The following SYNE3 variants were observed in gnomAD, a reference collection of about 807,000 sequenced individuals.
The protein encoded by SYNE3 is spectrin repeat containing nuclear envelope family member 3.
Under a neutral mutation model 111.2 loss-of-function variants are expected in SYNE3, and 100 were observed. The observed-to-expected ratio is 0.90, with a 90% CI of 0.77 to 1.06. The LOEUF (loss-of-function observed/expected upper bound fraction) is 1.06. Among genes scored for constraint, SYNE3 ranks in the 50% least tolerant of loss-of-function variants. The pLI, the probability that SYNE3 is intolerant of heterozygous loss-of-function variation, is 0.00. For missense variants in SYNE3, 1,160 were observed against 1,240.3 expected, an observed-to-expected ratio of 0.94 and a Z score of 0.97; for synonymous variants, 547 against 533.9, an observed-to-expected ratio of 1.02 and a Z score of -0.34.
chr14:95,498,687 A>G lies in SYNE3; in HGVS notation c.-15+17909T>C, dbSNP rs114444691. 3.0e-3 allele frequency among the ~76,000 whole-genome samples: 463 copies of G among 152,320 alleles called. 2 individuals are homozygous for G. The highest frequency in any genetic ancestry group is 0.011 in the African/African-American group (449 of 41,582). On this transcript the variant is annotated intron_variant, in intron 1 of 17. Transcript: ENST00000682763. ...CTAGCTGTGTGACTCAGGCAAGTGT[A>G]TTCACCTGTCTGTTCCCCAGATTCC...
intron 2 of SYNE3, among the ~76,000 whole-genome samples, chr14:95,468,567 G>A (rs1224039446): frequency 1.3e-5 from 2 of 152,096 alleles, no homozygotes; most frequent in Non-Finnish European, 2.9e-5. Context: ...GTGAGTGACT[G>A]TAACTCACAA....
At chr14:95,464,428 G>A (rs1332617494) in intron 4 of SYNE3, among the ~76,000 whole-genome samples, 2 of 152,026 alleles carry the variant, frequency 1.3e-5, no homozygotes, top group Non-Finnish European at 2.9e-5. Context: ...GTGGCTGCCC[G>A]CCCCCACTAG....
chr14:95,417,993 G>T lies in SYNE3; in HGVS notation c.2761C>A (p.Arg921=), dbSNP rs746262942. The change falls in exon 18 of 18, where the codon CGG becomes AGG. Residue 921 remains arginine, a synonymous_variant. Transcript: ENST00000682763. The stretch of plus-strand genomic sequence containing the variant: ...GGGAGCGCCACACAGCACGCCCTCC[G>T]GAAGAGGGAGCCCAGTCCTCGCCAC... ...RRWRGLGSLF[R]RACCVALPLQ... The T allele has an allele frequency of 1.9e-6, 3 of 1,611,908 alleles. No individual in the cohort carries two copies. Among genetic ancestry groups the T allele is most frequent in the South Asian group, 1.1e-5 (1 of 90,980 alleles).
chr14:95,481,464 G>A (rs765212107), intron 1 of SYNE3, among the ~76,000 whole-genome samples: 18 of 152,286 alleles, frequency 1.2e-4, no homozygotes, highest in East Asian at 1.9e-4. Flanking sequence ...GAGACAAGGC[G>A]GGGAGGCAAT....
chr14:95,426,847 G>A (rs1885454031), intron 17 of SYNE3, among the ~76,000 whole-genome samples: 2 of 151,184 alleles, frequency 1.3e-5, no homozygotes, highest in African/African-American at 4.9e-5. Flanking sequence ...GGGAGGCTGA[G>A]GCGGGAGAAT....
rs1251705935 is a variant in SYNE3, at chr14:95,439,771, T to C, written c.2087A>G (p.Glu696Gly). The C allele has an allele frequency of 6.2e-7, 1 of 1,612,506 alleles. No individual in the cohort carries two copies. The highest frequency in any genetic ancestry group is 8.5e-7 in the Non-Finnish European group (1 of 1,179,148). ...QEAEFERLVA[E>G]FPEKEAQLSL... ...CAGCTGGGCCTCCTTCTCCGGGAAT[T>C]CTGCCACCAGCCTCTAAAGGACACA... Residue 696 changes from glutamate (E) to glycine (G), a missense_variant, in exon 13 of 18, where the codon GAA becomes GGA. Transcript: ENST00000682763.
chr14:95,455,470 C>A lies in SYNE3; in HGVS notation c.1044G>T (p.Arg348Ser). The part of the protein sequence containing the change: ...KQLEAELSEF[R>S]MVLQRLAQEG... Reference sequence around the variant, plus strand: ...CCTGGGCCAGCCTCTGCAGGACCATCCTGAACTCACTGAGCTCAGCCTCCA... The same window carrying A: ...CCTGGGCCAGCCTCTGCAGGACCATACTGAACTCACTGAGCTCAGCCTCCA... Residue 348 changes from arginine to serine, a missense_variant, in exon 6 of 18, where the codon AGG becomes AGT. Physicochemically the swap from Arg to Ser is moderately radical, Grantham distance 110. Transcript: ENST00000682763. 6.2e-7 allele frequency: 1 copy of A among 1,613,398 alleles called. No homozygotes were observed. Among genetic ancestry groups the A allele is most frequent in the Non-Finnish European group, 8.5e-7 (1 of 1,179,932 alleles).
chr14:95,431,725 G>A (rs2139371087), intron 17 of SYNE3, among the ~76,000 whole-genome samples: 1 of 152,292 alleles, frequency 6.6e-6, no homozygotes, highest in South Asian at 2.1e-4. Flanking sequence ...AGGTTTCCTG[G>A]GACAGTCCCG....
At chr14:95,493,531 T>C (rs183151128) in intron 1 of SYNE3, among the ~76,000 whole-genome samples, 19 of 152,366 alleles carry the variant, frequency 1.2e-4, no homozygotes, top group African/African-American at 4.6e-4. Context: ...AGCATCCCTA[T>C]GGGTCTTATA....
intron 1 of SYNE3, among the ~76,000 whole-genome samples, chr14:95,484,946 C>A (rs567642928): frequency 3.9e-5 from 6 of 152,262 alleles, no homozygotes; most frequent in African/African-American, 1.4e-4. Context: ...CTTGTTAAAC[C>A]ACAGATGGCT....
intron 4 of SYNE3, among the ~76,000 whole-genome samples, chr14:95,459,834 G>A (rs918772437): frequency 2.0e-5 from 3 of 151,702 alleles, no homozygotes; most frequent in Middle Eastern, 3.2e-3. Context: ...ATGGTGGCTC[G>A]TGTCTATAAT....
intron 1 of SYNE3, among the ~76,000 whole-genome samples, chr14:95,494,718 C>T (rs1478439577): frequency 6.6e-6 from 1 of 152,164 alleles, no homozygotes; most frequent in East Asian, 1.9e-4. Context: ...CCAAGCAGGG[C>T]CCTTGCAACA....
chr14:95,498,930 T>G (rs532239642), intron 1 of SYNE3, among the ~76,000 whole-genome samples: 2 of 152,326 alleles, frequency 1.3e-5, no homozygotes, highest in East Asian at 3.9e-4. Context: ...CCTCCACAGT[T>G]TTCAGCTTTG....
At position 95,418,062 on chromosome 14, in the gene SYNE3, G is replaced by C. The variant is rs116644125; in HGVS notation, c.2728-36C>G. On this transcript the variant is annotated intron_variant, in intron 17 of 17. Transcript: ENST00000682763. ...AACACAGCACAGGTGAGTGGGCTGGGGGGCTCTGGTGGTGGGGGGCAGGTT... is the reference window on the plus strand; with the variant it reads ...AACACAGCACAGGTGAGTGGGCTGGCGGGCTCTGGTGGTGGGGGGCAGGTT... 1.0e-3 allele frequency: 1,666 copies of C among 1,600,322 alleles called. 13 individuals carry two copies. The African/African-American group carries it at 0.02, about 19-fold the overall frequency.
intron 1 of SYNE3, among the ~76,000 whole-genome samples, chr14:95,505,741 T>A (rs1235560183): frequency 6.6e-6 from 1 of 152,162 alleles, no homozygotes; most frequent in Non-Finnish European, 1.5e-5. Context: ...TCAATTGCCA[T>A]ATATCATAAG....
At chr14:95,495,421 G>A (rs966082334) in intron 1 of SYNE3, among the ~76,000 whole-genome samples, 1 of 152,234 alleles carries the variant, frequency 6.6e-6, no homozygotes, top group Non-Finnish European at 1.5e-5. Context: ...GTTATCACTG[G>A]GTCTTGATCT....
chr14:95,491,149 A>T (rs907436936), intron 1 of SYNE3, among the ~76,000 whole-genome samples: 1 of 152,134 alleles, frequency 6.6e-6, no homozygotes, highest in African/African-American at 2.4e-5. Context: ...GTTGCGGGGT[A>T]AGCCTCACGG....
At chr14:95,475,894 C>T in intron 1 of SYNE3, 59 bp from the exon 2 acceptor site, 1 of 1,358,656 alleles carries the variant, frequency 7.4e-7, no homozygotes, top group Non-Finnish European at 9.5e-7. Context: ...TGCAAAAAGA[C>T]CCCCGGCAGG....
chr14:95,497,260 C>T (rs1024225481), intron 1 of SYNE3, among the ~76,000 whole-genome samples: 5 of 152,298 alleles, frequency 3.3e-5, no homozygotes, highest in African/African-American at 9.6e-5. Context: ...GGTCTTAGCC[C>T]AGTATATTTA....
Sources: gnomAD v4.1 joint callset for allele counts (sites outside exome capture counted in the v4.1 genomes callset) on GRCh38, gnomAD v4.1.1 for gene constraint, MANE v1.5 for transcripts, NCBI Gene and HGNC (gene_info 2026-07-23, HGNC 2026-07-21) for gene names.